Variants in MGRN1 observed in about 807,000 individuals in gnomAD.
MGRN1 encodes the protein mahogunin ring finger 1, also known as E3 ubiquitin-protein ligase MGRN1.
A neutral mutation model predicts 69.2 loss-of-function variants in MGRN1; 29 were observed. That is an observed-to-expected ratio of 0.42 (90% CI 0.31 to 0.57). The LOEUF is 0.57. Among genes scored for constraint, MGRN1 ranks in the 20% least tolerant of loss-of-function variants. The pLI is 0.15. For synonymous variants in MGRN1, 470 were observed against 344.2 expected, an observed-to-expected ratio of 1.37 and a Z score of -4.04; for missense variants, 998 against 796.2, an observed-to-expected ratio of 1.25 and a Z score of -3.05.
At position 4,682,902 on chromosome 16, in the gene MGRN1, C is replaced by T. The variant is rs557117092; in HGVS notation, c.1438C>T (p.Leu480=). ...LSEDVDAPPP[L]GGAELALRES... is the part of the protein sequence containing the mutation. ...CGAGGACGTGGACGCCCCTCCCCCA[C>T]TGGGTGGCGCAGAGCTGGCCCTGCG... Residue 480 remains leucine (L), a synonymous_variant, in exon 14 of 17, where the codon CTG becomes TTG. Transcript: ENST00000262370. The T allele has an allele frequency of 2.7e-5, 44 of 1,608,730 alleles. No homozygotes were observed. Among genetic ancestry groups the T allele is most frequent in the Non-Finnish European group, 3.7e-5 (43 of 1,176,682 alleles).
intron 7 of MGRN1, among the ~76,000 whole-genome samples, chr16:4,665,925 G>A (rs2078793604): frequency 6.6e-6 from 1 of 151,796 alleles, no homozygotes; most frequent in Non-Finnish European, 1.5e-5. Flanking sequence ...CGCCTCCCGG[G>A]TTCATGCCAT....
At chr16:4,639,396 G>A (rs944727923) in intron 1 of MGRN1, among the ~76,000 whole-genome samples, 3 of 152,192 alleles carry the variant, frequency 2.0e-5, no homozygotes, top group African/African-American at 7.2e-5. Flanking sequence ...GGGTGGGCAG[G>A]GCATGTGGAA....
chr16:4,687,713 G>T (rs1284807368), intron 16 of MGRN1: 39 of 985,468 alleles, frequency 4.0e-5, no homozygotes, highest in Non-Finnish European at 4.6e-5. Flanking sequence ...GCTGCGTGCA[G>T]CTCTGGTCTG....
intron 1 of MGRN1, among the ~76,000 whole-genome samples, chr16:4,632,661 G>C (rs146448600): frequency 6.6e-6 from 1 of 151,882 alleles, no homozygotes; most frequent in African/African-American, 2.4e-5. Context: ...CCCAAAATGC[G>C]GGGATTACAG....
In MGRN1 at chr16:4,683,887, C is replaced by G; in HGVS notation, c.1573C>G (p.Pro525Ala). The G allele has an allele frequency of 6.2e-7, 1 of 1,613,120 alleles. No individual in the cohort carries two copies. The highest frequency in any genetic ancestry group is 8.5e-7 in the Non-Finnish European group (1 of 1,179,888). The stretch of plus-strand genomic sequence containing the variant: ...TGAGAATGTCCTGCAGGACAGCAGC[C>G]CCGAGCACTGTGGCCGAGGCCCACC... ...SIENVLQDSS[P>A]EHCGRGPPAD... is the part of the protein sequence containing the mutation. Residue 525 changes from proline to alanine, a missense_variant, in exon 16 of 17, where the codon CCC becomes GCC. Pro to Ala is a conservative substitution (Grantham distance 27). Transcript: ENST00000262370.
intron 16 of MGRN1, chr16:4,686,930 C>A (rs574400465): frequency 1.4e-5 from 14 of 985,358 alleles, no homozygotes; most frequent in Middle Eastern, 5.2e-4. Context: ...GGAGGGAGTC[C>A]GTCCTCGAGG....
At chr16:4,650,675 C>G (rs1415067557) in intron 2 of MGRN1, 192 bp downstream of exon 2, 4 of 456,006 alleles carry the variant, frequency 8.8e-6, no homozygotes, top group Non-Finnish European at 1.5e-5. Flanking sequence ...GTGCTGCCCC[C>G]TAGAGGCCAG....
intron 5 of MGRN1, among the ~76,000 whole-genome samples, chr16:4,657,639 C>T (rs551919115): frequency 2.3e-4 from 35 of 152,302 alleles, no homozygotes; most frequent in Admixed American, 1.2e-3. Context: ...AATGGGGCAC[C>T]CCCTGCCAGG....
At chr16:4,645,434 G>A (rs1001319063) in intron 1 of MGRN1, among the ~76,000 whole-genome samples, 4 of 152,106 alleles carry the variant, frequency 2.6e-5, no homozygotes, top group African/African-American at 7.2e-5. Context: ...CTTCCAAAGC[G>A]CCCAGGCATG....
chr16:4,664,771 A>G lies in MGRN1; in HGVS notation c.624A>G (p.Gly208=), dbSNP rs768925940. 1 of 1,614,106 alleles carries G rather than the reference A, an allele frequency of 6.2e-7. No homozygotes were observed. Among genetic ancestry groups the G allele is most frequent in the Non-Finnish European group, 8.5e-7 (1 of 1,180,006 alleles). The part of the protein sequence containing the change: ...PVVIQAVVDE[G]DVVEVTGHAH... Reference sequence around the variant, plus strand: ...TCATCCAGGCTGTGGTGGACGAAGGAGATGGTGAGTGCGTCCTCTTCCGTC... The same window carrying G: ...TCATCCAGGCTGTGGTGGACGAAGGGGATGGTGAGTGCGTCCTCTTCCGTC... The change falls in exon 6 of 17, where the codon GGA becomes GGG. Residue 208 remains glycine, a synonymous_variant. Transcript: ENST00000262370.
intron 10 of MGRN1, among the ~76,000 whole-genome samples, chr16:4,674,626 CTTTTTTTTTTTTT>C (rs71139654): frequency 4.2e-5 from 2 of 47,278 alleles, no homozygotes; most frequent in African/African-American, 1.8e-4. Flanking sequence ...CTTTTCTTTT[CTTTTTTTTTTTTT>C]TTTTTTTTTT....
At position 4,642,585 on chromosome 16, in the gene MGRN1, A is replaced by G. The variant is rs558371193; in HGVS notation, c.89-7780A>G. The stretch of plus-strand genomic sequence containing the variant: ...GTGATCCGCCCGCCTCGGCCTCCCA[A>G]AGTGCTGGGATTACAGGCGTGAGCC... On this transcript the variant is annotated intron_variant, in intron 1 of 16. Transcript: ENST00000262370. Among the ~76,000 whole-genome samples, 52 of 151,450 alleles carry G rather than the reference A, an allele frequency of 3.4e-4. No homozygotes were observed. In the South Asian group the frequency reaches 6.0e-3, roughly 18 times the overall value.
intron 13 of MGRN1, among the ~76,000 whole-genome samples, chr16:4,682,111 C>T (rs1221177770): frequency 6.6e-6 from 1 of 152,198 alleles, no homozygotes; most frequent in African/African-American, 2.4e-5. Context: ...CTCTGGGTTC[C>T]CAGACTTCAT....
chr16:4,665,036 G>A (rs1413628401), intron 6 of MGRN1, 66 bp from the exon 7 acceptor site: 2 of 1,582,148 alleles, frequency 1.3e-6, no homozygotes, highest in African/African-American at 1.3e-5. Context: ...ACCAGGGTCG[G>A]GGAGGTGAGA....
At chr16:4,667,385 C>T (rs1052755408) in intron 7 of MGRN1, among the ~76,000 whole-genome samples, 2 of 152,206 alleles carry the variant, frequency 1.3e-5, no homozygotes, top group African/African-American at 4.8e-5. Context: ...CACAAGTGCC[C>T]TGGGCAGAGG....
rs1000155459 is a variant in MGRN1, at chr16:4,653,635, C to A, written c.443+811C>A. ...TCCTGAGTAGCTGGGACTACAGGCA[C>A]GTGCCACCACGCTTGGCTAATTTTT... On this transcript the variant is annotated intron_variant, in intron 4 of 16. Transcript: ENST00000262370. Among the ~76,000 whole-genome samples, 5 of 145,346 alleles carry A rather than the reference C, an allele frequency of 3.4e-5. No homozygotes were observed. The South Asian group carries it at 1.1e-3, about 32-fold the overall frequency.
intron 1 of MGRN1, among the ~76,000 whole-genome samples, chr16:4,638,475 AT>A (rs148550645): frequency 2.4e-4 from 36 of 151,090 alleles, no homozygotes; most frequent in South Asian, 8.3e-4. Flanking sequence ...AAAAAAAAAA[AT>A]AAATAAATAT....
At chr16:4,669,283 A>AT (rs2078886227) in intron 8 of MGRN1, 1 of 152,152 alleles carries the variant, frequency 6.6e-6, no homozygotes, top group South Asian at 2.1e-4. Context: ...AAAATAAAAA[A>AT]ATTAACCGGG....
chr16:4,643,504 T>TGGGACTAC (rs1248310071), intron 1 of MGRN1, among the ~76,000 whole-genome samples: 1 of 149,834 alleles, frequency 6.7e-6, no homozygotes, highest in Non-Finnish European at 1.5e-5. Flanking sequence ...CCCAAGTACC[T>TGGGACTAC]GGGACTACAG....
Sources: allele counts gnomAD v4.1 joint callset (sites outside exome capture counted in the v4.1 genomes callset), GRCh38; gene constraint gnomAD v4.1.1; transcripts MANE v1.5; gene names NCBI Gene and HGNC (gene_info 2026-07-23, HGNC 2026-07-21).